Variants in RASSF3 observed in about 807,000 individuals in gnomAD.
RASSF3 encodes the protein Ras association domain family member 3, also known as ras association domain-containing protein 3.
Under a neutral mutation model 19.9 loss-of-function variants are expected in RASSF3, and 19 were observed. That is an observed-to-expected ratio of 0.96 (90% confidence interval 0.67 to 1.40). RASSF3 has a LOEUF of 1.40. Ranked by LOEUF, RASSF3 falls within the 40% of genes most tolerant of loss-of-function variation. The pLI, the probability that RASSF3 is intolerant of heterozygous loss-of-function variation, is 0.00. For synonymous variants in RASSF3, 110 were observed against 104.2 expected (o/e 1.06, Z -0.34); for missense variants, 306 against 289.8 (o/e 1.06, Z -0.41).
chr12:64,655,795 G>A (rs1369521514), intron 1 of RASSF3, among the ~76,000 whole-genome samples: 1 of 152,092 alleles, frequency 6.6e-6, no homozygotes, highest in Non-Finnish European at 1.5e-5. Context: ...GGGAGGCCGA[G>A]GCGGGCGGAT....
At chr12:64,580,630 T>A (rs1181216591) in intron 2 of RASSF3, among the ~76,000 whole-genome samples, 1 of 143,774 alleles carries the variant, frequency 7.0e-6, no homozygotes, top group African/African-American at 2.7e-5. Context: ...ACAGATAAAT[T>A]TATTCTGTCA....
intron 1 of RASSF3, among the ~76,000 whole-genome samples, chr12:64,653,119 A>G (rs1206508113): frequency 6.6e-6 from 1 of 152,140 alleles, no homozygotes; most frequent in Admixed American, 6.5e-5. Context: ...CCCAGGTTGG[A>G]GTACAGTGGT....
At chr12:64,631,997 G>A (rs1871184567) in intron 1 of RASSF3, among the ~76,000 whole-genome samples, 1 of 152,196 alleles carries the variant, frequency 6.6e-6, no homozygotes, top group Non-Finnish European at 1.5e-5. Context: ...TGGATTCTAA[G>A]TAGAAGGCTG....
intron 1 of RASSF3, among the ~76,000 whole-genome samples, chr12:64,625,832 G>A (rs1334124849): frequency 6.6e-6 from 1 of 152,234 alleles, no homozygotes; most frequent in African/African-American, 2.4e-5. Flanking sequence ...AAATAGGCCT[G>A]CTTATGCTCC....
chr12:64,673,062 C>G (rs1872756650), intron 1 of RASSF3, among the ~76,000 whole-genome samples: 1 of 152,204 alleles, frequency 6.6e-6, no homozygotes, highest in South Asian at 2.1e-4. Flanking sequence ...TTTCCTTTCT[C>G]CGGAAACTGT....
intron 1 of RASSF3, among the ~76,000 whole-genome samples, chr12:64,637,676 C>T (rs1871369226): frequency 2.0e-5 from 3 of 151,816 alleles, no homozygotes; most frequent in African/African-American, 7.3e-5. Context: ...GCGATCCACC[C>T]ACCTCAGCCT....
intron 1 of RASSF3, among the ~76,000 whole-genome samples, chr12:64,517,026 GAGAA>G (rs1460392914): frequency 1.5e-5 from 2 of 131,138 alleles, no homozygotes; most frequent in Non-Finnish European, 3.3e-5. Flanking sequence ...AAAAAAGAAA[GAGAA>G]AGAAAAGAAG....
At chr12:64,550,737 T>C (rs992805602) in intron 2 of RASSF3, among the ~76,000 whole-genome samples, 1 of 145,450 alleles carries the variant, frequency 6.9e-6, no homozygotes, top group Non-Finnish European at 1.5e-5. Context: ...AGTGGGAGAA[T>C]TGCGTGAGCC....
intron 1 of RASSF3, among the ~76,000 whole-genome samples, chr12:64,520,551 C>T (rs1382171935): frequency 2.5e-5 from 3 of 120,098 alleles, no homozygotes; most frequent in Admixed American, 1.8e-4. Flanking sequence ...TACACACATA[C>T]ACACATATAT....
At chr12:64,567,957 C>T (rs1290590426) in intron 2 of RASSF3, among the ~76,000 whole-genome samples, 4 of 152,228 alleles carry the variant, frequency 2.6e-5, no homozygotes, top group Non-Finnish European at 5.9e-5. Context: ...ACATAGACCC[C>T]CACATCTTTC....
chr12:64,615,065 G>A (rs549733163), intron 1 of RASSF3, among the ~76,000 whole-genome samples: 1 of 152,244 alleles, frequency 6.6e-6, no homozygotes, highest in Non-Finnish European at 1.5e-5. Context: ...TGTATTTGTG[G>A]ATTCACGTAT....
At chr12:64,547,758 A>C (rs948558803) in intron 2 of RASSF3, among the ~76,000 whole-genome samples, 2 of 152,236 alleles carry the variant, frequency 1.3e-5, no homozygotes, top group African/African-American at 4.8e-5. Flanking sequence ...TTTCAAATCA[A>C]ATTCTTCCCC....
intron 1 of RASSF3, among the ~76,000 whole-genome samples, chr12:64,511,258 C>G (rs1336254141): frequency 6.6e-6 from 1 of 152,094 alleles, no homozygotes; most frequent in East Asian, 1.9e-4. Context: ...GTTTATATAC[C>G]AAATGCATAC....
intron 3 of RASSF3, among the ~76,000 whole-genome samples, chr12:64,689,518 GATGCAGTGCATCTGGAAGTGCCAC>G (rs1873494381): frequency 1.3e-5 from 2 of 152,166 alleles, no homozygotes. Context: ...TGGCACCTGC[GATGCAGTGCATCTGGAAGTGCCAC>G]AATAATGTAG....
chr12:64,652,025 G>T (rs1871974331), intron 1 of RASSF3, among the ~76,000 whole-genome samples: 1 of 152,120 alleles, frequency 6.6e-6, no homozygotes, highest in African/African-American at 2.4e-5. Flanking sequence ...TTCTTATTTG[G>T]AATTATTAGA....
In RASSF3 at chr12:64,521,256, A is replaced by G. The variant is rs544523754; in HGVS notation, c.169+13927A>G. Reference sequence around the variant, plus strand: ...GTGCCCCTGTAGCAGGTGTGCTCCTAAAGTGGACAGGTAGGTGATATCCCT... The same window carrying G: ...GTGCCCCTGTAGCAGGTGTGCTCCTGAAGTGGACAGGTAGGTGATATCCCT... On this transcript the variant is annotated intron_variant, in intron 1 of 5. Transcript: ENST00000637125. Among the ~76,000 whole-genome samples, 91 of 152,296 alleles carry G rather than the reference A, an allele frequency of 6.0e-4. 1 individual carries two copies. The highest frequency in any genetic ancestry group is 3.4e-3 in the Middle Eastern group (1 of 294).
chr12:64,577,591 G>A (rs1869616291), intron 2 of RASSF3, among the ~76,000 whole-genome samples: 1 of 152,136 alleles, frequency 6.6e-6, no homozygotes, highest in African/African-American at 2.4e-5. Context: ...AATTAGCTGG[G>A]TGTAGTGGCA....
At chr12:64,621,337 TTAGG>T (rs1412070811) in intron 1 of RASSF3, among the ~76,000 whole-genome samples, 1 of 152,226 alleles carries the variant, frequency 6.6e-6, no homozygotes, top group Non-Finnish European at 1.5e-5. Flanking sequence ...CATTTGTCTA[TTAGG>T]TAGGCAAAAT....
intron 1 of RASSF3, among the ~76,000 whole-genome samples, chr12:64,527,929 T>C (rs1222156413): frequency 1.3e-5 from 2 of 151,704 alleles, no homozygotes; most frequent in East Asian, 3.9e-4. Context: ...AGCGACACTC[T>C]GTCTCAAAAA....
Sources: allele counts gnomAD v4.1 joint callset (sites outside exome capture counted in the v4.1 genomes callset), GRCh38; gene constraint gnomAD v4.1.1; transcripts MANE v1.5; gene names NCBI Gene and HGNC (gene_info 2026-07-23, HGNC 2026-07-21).